Variants in F11R observed in about 807,000 individuals in gnomAD.
F11R encodes junctional adhesion molecule A.
F11R carries 27 observed loss-of-function variants against 39.3 expected under a neutral mutation model. The ratio of observed to expected loss-of-function variants is 0.69; its 90% CI spans 0.51 to 0.95. The LOEUF is 0.95. Ranked by LOEUF, F11R falls within the 40% of genes least tolerant of loss-of-function variation. F11R has a pLI of 0.00. For synonymous variants in F11R, 131 were observed against 144.9 expected (o/e 0.90, Z 0.69); for missense variants, 335 against 372.7 (o/e 0.90, Z 0.83).
intron 1 of F11R, among the ~76,000 whole-genome samples, chr1:161,001,767 G>A (rs1269938498): frequency 1.3e-5 from 2 of 152,224 alleles, no homozygotes; most frequent in African/African-American, 4.8e-5. Flanking sequence ...GCAAGGGATG[G>A]AAGGGAAGGG....
intron 1 of F11R, among the ~76,000 whole-genome samples, chr1:161,017,554 T>C (rs1163480414): frequency 6.6e-6 from 1 of 152,200 alleles, no homozygotes; most frequent in African/African-American, 2.4e-5. Flanking sequence ...TTCACGTGTT[T>C]GTCTACTGAC....
chr1:161,011,948 TTACTCTC>T (rs1649183585), intron 1 of F11R, among the ~76,000 whole-genome samples: 1 of 152,146 alleles, frequency 6.6e-6, no homozygotes, highest in South Asian at 2.1e-4. Flanking sequence ...CTTTAAAAAG[TTACTCTC>T]TTCTCGTCTA....
intron 1 of F11R, among the ~76,000 whole-genome samples, chr1:161,009,469 A>C (rs1649006817): frequency 6.6e-6 from 1 of 152,170 alleles, no homozygotes; most frequent in Non-Finnish European, 1.5e-5. Context: ...AAAAAAAAAA[A>C]AAAATTAATC....
chr1:161,011,743 A>G (rs1250543228), intron 1 of F11R, among the ~76,000 whole-genome samples: 1 of 152,044 alleles, frequency 6.6e-6, no homozygotes, highest in Non-Finnish European at 1.5e-5. Flanking sequence ...AAAAAAAAAA[A>G]AGTATATTTT....
chr1:161,001,438 C>A (rs781480015), intron 1 of F11R, 85 bp from the exon 2 acceptor site: 6 of 1,155,426 alleles, frequency 5.2e-6, no homozygotes, highest in Non-Finnish European at 7.7e-6. Flanking sequence ...GTGGACAGGG[C>A]TTCTCCATTC....
chr1:161,005,896 T>C (rs1213958495), intron 1 of F11R, among the ~76,000 whole-genome samples: 1 of 151,988 alleles, frequency 6.6e-6, no homozygotes, highest in Non-Finnish European at 1.5e-5. Flanking sequence ...CCCAGCACTT[T>C]GGGAGGCTGA....
chr1:161,015,427 T>TAC lies in F11R; in HGVS notation c.64+5581_64+5582dup, dbSNP rs1234405425. ...AAAAAAATATATATATATATATATATACACACACACAAAAATTAGCCAAGA... is the reference window on the plus strand; with the variant it reads ...AAAAAAATATATATATATATATATATACACACACACACAAAAATTAGCCAAGA... On this transcript the variant is annotated intron_variant, in intron 1 of 9. Coordinates refer to ENST00000368026, the MANE Select transcript of F11R (RefSeq NM_016946.6). Among the ~76,000 whole-genome samples, 1,008 of 138,390 alleles carry TAC rather than the reference T, an allele frequency of 7.3e-3. 11 individuals are homozygous for TAC. The highest frequency in any genetic ancestry group is 0.025 in the African/African-American group (946 of 37,240). The allele number at this position is 138,390 out of a possible 152,430, so 90.8% of individuals were successfully genotyped here.
chr1:161,000,381 C>T (rs1648411466), intron 4 of F11R, 33 bp from the exon 5 acceptor site: 1 of 1,604,980 alleles, frequency 6.2e-7, no homozygotes, highest in Non-Finnish European at 8.5e-7. Context: ...GTGCTGAGTA[C>T]AGGGTGGGGG....
chr1:161,003,366 G>A (rs543171791), intron 1 of F11R, among the ~76,000 whole-genome samples: 9 of 151,472 alleles, frequency 5.9e-5, no homozygotes, highest in Admixed American at 1.3e-4. Flanking sequence ...CAGGTGATCC[G>A]CCCGCCTCAG....
In F11R at chr1:161,021,040, A is replaced by G. The variant is rs1649735610; in HGVS notation, c.34T>C (p.Leu12=). 6.2e-7 allele frequency: 1 copy of G among 1,613,950 alleles called. No individual in the cohort carries two copies. ...GTKAQVERKL[L]CLFILAILLC... ...AGGATCGCCAATATGAAGAGGCACAACAGTTTCCTCTCGACTTGCGCCTTT... is the reference window on the plus strand; with the variant it reads ...AGGATCGCCAATATGAAGAGGCACAGCAGTTTCCTCTCGACTTGCGCCTTT... The change falls in exon 1 of 10, where the codon TTG becomes CTG. Residue 12 remains leucine, a synonymous_variant. Transcript: ENST00000368026.
rs545009705 is a variant in F11R, at chr1:161,019,292, G to A, written c.64+1718C>T. Reference sequence around the variant, plus strand: ...GAAATTAAAGAAAAGGGAACTCAAAGAGTAGAAAAAAAGGAAGACATGGCC... The same window carrying A: ...GAAATTAAAGAAAAGGGAACTCAAAAAGTAGAAAAAAAGGAAGACATGGCC... On this transcript the variant is annotated intron_variant, in intron 1 of 9. Transcript: ENST00000368026. 2.7e-3 allele frequency among the ~76,000 whole-genome samples: 406 copies of A among 152,108 alleles called. 2 individuals are homozygous for A. Among genetic ancestry groups the A allele is most frequent in the Non-Finnish European group, 4.2e-3 (283 of 67,980 alleles).
chr1:160,998,670 A>G lies in F11R; in HGVS notation c.*201T>C. ...TTAAACAAGTTCCAGGCCACTCAGCAGTGGTAGGAAAGGGAGGGAGGGCAT... is the reference window on the plus strand; with the variant it reads ...TTAAACAAGTTCCAGGCCACTCAGCGGTGGTAGGAAAGGGAGGGAGGGCAT... On this transcript the variant is annotated 3_prime_UTR_variant, in exon 10 of 10. Coordinates refer to ENST00000368026, the MANE Select transcript of F11R (RefSeq NM_016946.6). The G allele has an allele frequency of 1.6e-6, 1 of 616,652 alleles. No individual in the cohort carries two copies. Among genetic ancestry groups the G allele is most frequent in the Non-Finnish European group, 2.9e-6 (1 of 343,588 alleles). The allele number at this position is 616,652 out of a possible 1,614,324, so 38.2% of individuals were successfully genotyped here.
At chr1:161,006,146 A>AGG (rs1188252991) in intron 1 of F11R, among the ~76,000 whole-genome samples, 5 of 148,902 alleles carry the variant, frequency 3.4e-5, no homozygotes, top group Non-Finnish European at 7.5e-5. Flanking sequence ...TCAAAAAAAA[A>AGG]AGGGGGGGGG....
At chr1:161,010,441 CAA>C (rs1248451719) in intron 1 of F11R, among the ~76,000 whole-genome samples, 8 of 80,276 alleles carry the variant, frequency 1.0e-4, no homozygotes, top group Admixed American at 3.1e-4. Flanking sequence ...GAGACTCCAT[CAA>C]AAAAAAAAAA....
chr1:160,998,763 G>A lies in F11R; in HGVS notation c.*108C>T, dbSNP rs2101965565. On this transcript the variant is annotated 3_prime_UTR_variant, in exon 10 of 10. Coordinates refer to ENST00000368026, the MANE Select transcript of F11R (RefSeq NM_016946.6). ...CCGAAGAAGTAGGGGGCCCTGTGGG[G>A]TGTAGAAGACAAATAAGGCATCCTG... The A allele has an allele frequency of 1.9e-6, 2 of 1,064,540 alleles. No individual in the cohort carries two copies. Among genetic ancestry groups the A allele is most frequent in the East Asian group, 2.4e-5 (1 of 41,674 alleles). 65.9% of individuals were successfully genotyped at this position (1,064,540 alleles called of 1,614,324 possible).
chr1:161,011,894 A>G (rs942281802), intron 1 of F11R, among the ~76,000 whole-genome samples: 1 of 152,146 alleles, frequency 6.6e-6, no homozygotes, highest in Non-Finnish European at 1.5e-5. Context: ...ATTTTTCTAC[A>G]TGGAGCATGT....
At chr1:161,013,267 G>C (rs540249458) in intron 1 of F11R, among the ~76,000 whole-genome samples, 2 of 152,230 alleles carry the variant, frequency 1.3e-5, no homozygotes, top group East Asian at 3.9e-4. Flanking sequence ...CCCCCCAGTT[G>C]CCAGGGAGCT....
rs1435587729 is a variant in F11R, at chr1:161,020,941, GCGTGGGGAGAGC to G, written c.64+57_64+68del. The G allele has an allele frequency of 5.0e-6, 7 of 1,393,254 alleles. No homozygotes were observed. In the African/African-American group the frequency reaches 1.0e-4, roughly 20 times the overall value. 86.3% of individuals were successfully genotyped at this position (1,393,254 alleles called of 1,614,324 possible). ...GCTCCTCCCCTCCCGCGGGCTAGGG[GCGTGGGGAGAGC>G]CTTCCTCCAACCTCTGACCCGACCA... On this transcript the variant is annotated intron_variant, in intron 1 of 9. Coordinates refer to ENST00000368026, the MANE Select transcript of F11R (RefSeq NM_016946.6).
At chr1:161,016,956 AT>A (rs993855065) in intron 1 of F11R, among the ~76,000 whole-genome samples, 3 of 152,240 alleles carry the variant, frequency 2.0e-5, no homozygotes, top group Admixed American at 6.5e-5. Flanking sequence ...CTGTTAATCT[AT>A]GGCCTTACCC....
Sources: allele counts gnomAD v4.1 joint callset (sites outside exome capture counted in the v4.1 genomes callset), GRCh38; gene constraint gnomAD v4.1.1; transcripts MANE v1.5; gene names NCBI Gene and HGNC (gene_info 2026-07-23, HGNC 2026-07-21).